BRINP3: variants seen among roughly 807,000 people sequenced by gnomAD.
The protein encoded by BRINP3 is BMP/retinoic acid inducible neural specific 3.
BRINP3 carries 19 observed loss-of-function variants against 71.0 expected under a neutral mutation model. That is an observed-to-expected ratio of 0.27 (90% CI 0.19 to 0.39). The LOEUF (loss-of-function observed/expected upper bound fraction) is 0.39. Among genes scored for constraint, BRINP3 ranks in the 10% least tolerant of loss-of-function variants. The probability of loss-of-function intolerance (pLI) is 1.00; values close to 1 mark genes in which losing one functional copy is unlikely to be tolerated. For synonymous variants in BRINP3, 380 were observed against 337.7 expected (o/e 1.13, Z -1.37); for missense variants, 959 against 940.8 (o/e 1.02, Z -0.25).
chr1:190,166,082 G>C (rs1558027509), intron 6 of BRINP3, among the ~76,000 whole-genome samples: 1 of 152,012 alleles, frequency 6.6e-6, no homozygotes, highest in Non-Finnish European at 1.5e-5. Flanking sequence ...ATATGACTTT[G>C]AGTAGCCACA....
intron 4 of BRINP3, among the ~76,000 whole-genome samples, chr1:190,258,670 A>C (rs1660894706): frequency 1.3e-5 from 2 of 152,344 alleles, no homozygotes; most frequent in South Asian, 4.1e-4. Flanking sequence ...AAATTGTATA[A>C]TTTCAATGAA....
chr1:190,370,392 G>T (rs1209994858), intron 2 of BRINP3, among the ~76,000 whole-genome samples: 1 of 151,948 alleles, frequency 6.6e-6, no homozygotes. Context: ...AGAAAAGAAA[G>T]AATTAATTCA....
intron 6 of BRINP3, among the ~76,000 whole-genome samples, chr1:190,170,572 A>C (rs896730104): frequency 6.6e-6 from 1 of 152,150 alleles, no homozygotes; most frequent in Non-Finnish European, 1.5e-5. Flanking sequence ...TGGGTAAAAA[A>C]CAGTTGAAAT....
At chr1:190,148,419 C>A (rs2102412355) in intron 7 of BRINP3, among the ~76,000 whole-genome samples, 1 of 151,704 alleles carries the variant, frequency 6.6e-6, no homozygotes, top group African/African-American at 2.4e-5. Flanking sequence ...CGGAGAAACC[C>A]CATCTCTACT....
chr1:190,288,585 T>C (rs953813629), intron 2 of BRINP3, among the ~76,000 whole-genome samples: 2 of 151,916 alleles, frequency 1.3e-5, no homozygotes, highest in African/African-American at 4.8e-5. Context: ...TCTATGATCA[T>C]GGGTGTAATA....
chr1:190,386,442 A>G (rs987786740), intron 2 of BRINP3, among the ~76,000 whole-genome samples: 3 of 151,704 alleles, frequency 2.0e-5, no homozygotes. Context: ...ATTAATAATT[A>G]AGTTTTATTA....
chr1:190,103,559 G>A (rs529004766), intron 7 of BRINP3, among the ~76,000 whole-genome samples: 1 of 151,972 alleles, frequency 6.6e-6, no homozygotes, highest in South Asian at 2.1e-4. Flanking sequence ...GAACTATTAC[G>A]TATACACAGA....
At chr1:190,403,417 T>G (rs974143524) in intron 2 of BRINP3, among the ~76,000 whole-genome samples, 2 of 152,224 alleles carry the variant, frequency 1.3e-5, no homozygotes, top group Admixed American at 6.5e-5. Context: ...TTAGTTCCCA[T>G]TTTCTAACAG....
intron 3 of BRINP3, among the ~76,000 whole-genome samples, chr1:190,269,609 C>G (rs1661936388): frequency 6.6e-6 from 1 of 151,858 alleles, no homozygotes. Flanking sequence ...AAAGAGTGTT[C>G]AGACAAAAAC....
intron 1 of BRINP3, among the ~76,000 whole-genome samples, chr1:190,473,947 A>G (rs1677323481): frequency 6.6e-6 from 1 of 152,010 alleles, no homozygotes; most frequent in African/African-American, 2.4e-5. Flanking sequence ...TAATGGAAAT[A>G]CCTACAAAAC....
chr1:190,109,751 T>C (rs543189178), intron 7 of BRINP3, among the ~76,000 whole-genome samples: 57 of 152,366 alleles, frequency 3.7e-4, no homozygotes, highest in Middle Eastern at 3.4e-3. Flanking sequence ...GCTCTTTTTT[T>C]CCCTGCCCTT....
At chr1:190,449,923 C>T (rs1259131674) in intron 2 of BRINP3, among the ~76,000 whole-genome samples, 3 of 152,012 alleles carry the variant, frequency 2.0e-5, no homozygotes, top group African/African-American at 4.8e-5. Flanking sequence ...TATTAGTACT[C>T]GTATATTCCC....
chr1:190,247,832 T>A (rs1456159519), intron 4 of BRINP3, among the ~76,000 whole-genome samples: 4 of 151,922 alleles, frequency 2.6e-5, no homozygotes, highest in African/African-American at 7.2e-5. Flanking sequence ...TACGGATTTT[T>A]AAAAAATAAA....
intron 3 of BRINP3, among the ~76,000 whole-genome samples, chr1:190,266,795 G>A (rs545906465): frequency 6.6e-6 from 1 of 152,096 alleles, no homozygotes; most frequent in Non-Finnish European, 1.5e-5. Flanking sequence ...TGGTATGGTG[G>A]TCTAAGTAAG....
intron 6 of BRINP3, among the ~76,000 whole-genome samples, chr1:190,173,113 C>T (rs1652171915): frequency 6.6e-6 from 1 of 152,084 alleles, no homozygotes; most frequent in African/African-American, 2.4e-5. Flanking sequence ...ATTTTATTTT[C>T]CTGTTTAAAA....
chr1:190,459,579 T>C (rs1676246150), intron 1 of BRINP3, among the ~76,000 whole-genome samples: 1 of 152,132 alleles, frequency 6.6e-6, no homozygotes, highest in South Asian at 2.1e-4. Context: ...TGGTGCATCT[T>C]TTAAACCTCA....
intron 2 of BRINP3, among the ~76,000 whole-genome samples, chr1:190,322,305 C>A (rs1172340411): frequency 6.6e-6 from 1 of 152,012 alleles, no homozygotes; most frequent in Non-Finnish European, 1.5e-5. Context: ...AAAACCAGTT[C>A]TTTGTCTTTA....
intron 2 of BRINP3, among the ~76,000 whole-genome samples, chr1:190,340,553 A>G (rs987811166): frequency 1.3e-5 from 2 of 151,810 alleles, no homozygotes; most frequent in Non-Finnish European, 2.9e-5. Flanking sequence ...CAATCTTTCT[A>G]ATATTTCAGA....
At chr1:190,333,793 A>G (rs1340160598) in intron 2 of BRINP3, among the ~76,000 whole-genome samples, 4 of 151,896 alleles carry the variant, frequency 2.6e-5, no homozygotes, top group Non-Finnish European at 5.9e-5. Context: ...ACAGAGCCCA[A>G]TCTATATCTT....
Sources: gnomAD v4.1 joint callset for allele counts (sites outside exome capture counted in the v4.1 genomes callset) on GRCh38, gnomAD v4.1.1 for gene constraint, MANE v1.5 for transcripts, NCBI Gene and HGNC (gene_info 2026-07-23, HGNC 2026-07-21) for gene names.